The following ARHGAP19 variants were observed in gnomAD, a reference collection of about 807,000 sequenced individuals.
The protein encoded by ARHGAP19 is Rho GTPase activating protein 19, also known as rho GTPase-activating protein 19.
A neutral mutation model predicts 60.9 loss-of-function variants in ARHGAP19; 48 were observed. The observed-to-expected ratio is 0.79, with a 90% CI of 0.62 to 1.00. The LOEUF is 1.00. ARHGAP19 is among the 50% of genes least tolerant of loss of function. The pLI, the probability that ARHGAP19 is intolerant of heterozygous loss-of-function variation, is 0.00. For synonymous variants in ARHGAP19, 209 were observed against 215.5 expected, an observed-to-expected ratio of 0.97 and a Z score of 0.27; for missense variants, 562 against 597.2, an observed-to-expected ratio of 0.94 and a Z score of 0.61.
intron 1 of ARHGAP19, among the ~76,000 whole-genome samples, chr10:97,286,785 T>C (rs931480107): frequency 1.3e-5 from 2 of 152,232 alleles, no homozygotes; most frequent in Non-Finnish European, 2.9e-5. Context: ...TCTTTTTAAG[T>C]CTCTTTTTAA....
chr10:97,263,885 A>G (rs900813347), intron 3 of ARHGAP19, among the ~76,000 whole-genome samples: 1 of 152,200 alleles, frequency 6.6e-6, no homozygotes, highest in Admixed American at 6.5e-5. Flanking sequence ...CTCCTGAGGT[A>G]TGGATAGACA....
chr10:97,235,768 A>G (rs1262184212), intron 8 of ARHGAP19, among the ~76,000 whole-genome samples: 1 of 152,170 alleles, frequency 6.6e-6, no homozygotes, highest in African/African-American at 2.4e-5. Context: ...GCCTGACAAC[A>G]ATACCATCAG....
chr10:97,235,052 C>T (rs1375844930), intron 9 of ARHGAP19, among the ~76,000 whole-genome samples, 165 bp downstream of exon 9: 1 of 152,186 alleles, frequency 6.6e-6, no homozygotes, highest in African/African-American at 2.4e-5. Context: ...CACAGCAAAG[C>T]ACTTTGCAAT....
chr10:97,226,094 T>TGGA lies in ARHGAP19; in HGVS notation c.*25_*27dup, dbSNP rs1382926071. On this transcript the variant is annotated 3_prime_UTR_variant, in exon 12 of 12. Transcript: ENST00000358531. ...TGCCCACTAAACAGAAAATTCTGCA[T>TGGA]GGACCATAGGAGACAACTCTGGATC... 1 of 1,612,910 alleles carries TGGA rather than the reference T, an allele frequency of 6.2e-7. No homozygotes were observed. Among genetic ancestry groups the TGGA allele is most frequent in the South Asian group, 1.1e-5 (1 of 90,968 alleles).
At chr10:97,248,746 T>C (rs1320520211) in intron 6 of ARHGAP19, among the ~76,000 whole-genome samples, 1 of 152,170 alleles carries the variant, frequency 6.6e-6, no homozygotes, top group Non-Finnish European at 1.5e-5. Flanking sequence ...AATACAGTCC[T>C]GTCAAAAAGA....
Position 97,242,142 on chromosome 10 carries a change from G to A in ARHGAP19, c.1185+1826C>T, listed in dbSNP as rs186374987. Among the ~76,000 whole-genome samples, 418 of 150,752 alleles carry A rather than the reference G, an allele frequency of 2.8e-3. 2 individuals carry two copies. Among genetic ancestry groups the A allele is most frequent in the African/African-American group, 8.9e-3 (368 of 41,316 alleles). Reference sequence around the variant, plus strand: ...AGTGAAAAAAGGAAAAAATTTTAAAGTATATGATATGATCATAACTATGTA... The same window carrying A: ...AGTGAAAAAAGGAAAAAATTTTAAAATATATGATATGATCATAACTATGTA... On this transcript the variant is annotated intron_variant, in intron 8 of 11. Transcript: ENST00000358531.
At chr10:97,232,476 T>C (rs539273417) in intron 9 of ARHGAP19, among the ~76,000 whole-genome samples, 6 of 152,272 alleles carry the variant, frequency 3.9e-5, no homozygotes, top group Non-Finnish European at 7.3e-5. Context: ...GCCCACTCTT[T>C]AATGAGGTTG....
Position 97,244,179 on chromosome 10 carries a change from A to C in ARHGAP19, c.994-20T>G. The C allele has an allele frequency of 6.4e-7, 1 of 1,565,610 alleles. No individual in the cohort carries two copies. The highest frequency in any genetic ancestry group is 2.0e-5 in the Admixed American group (1 of 49,302). ...GTCATCCTAAGGAAAATTTAAAAGA[A>C]GAGTAAATTAATATATCCTGCCAAC... On this transcript the variant is annotated intron_variant, in intron 7 of 11. Coordinates refer to ENST00000358531, the MANE Select transcript of ARHGAP19 (RefSeq NM_032900.6).
intron 7 of ARHGAP19, among the ~76,000 whole-genome samples, chr10:97,245,698 T>C (rs1260083639): frequency 6.6e-6 from 1 of 152,136 alleles, no homozygotes; most frequent in Non-Finnish European, 1.5e-5. Flanking sequence ...TCAAGTCTTT[T>C]AGCCATTTGA....
At position 97,280,224 on chromosome 10, in the gene ARHGAP19, T is replaced by C. The variant is rs748149647; in HGVS notation, c.56+12348A>G. Among the ~76,000 whole-genome samples the C allele has an allele frequency of 8.5e-5, 13 of 152,134 alleles. No individual in the cohort carries two copies. In the East Asian group the frequency reaches 1.4e-3, roughly 16 times the overall value. ...GAGTTCAAGACCACCCTAGCCAACATAGTGAAACCCCATCTCTACTAAAAA... is the reference window on the plus strand; with the variant it reads ...GAGTTCAAGACCACCCTAGCCAACACAGTGAAACCCCATCTCTACTAAAAA... On this transcript the variant is annotated intron_variant, in intron 1 of 11. Coordinates refer to ENST00000358531, the MANE Select transcript of ARHGAP19 (RefSeq NM_032900.6).
chr10:97,230,194 A>G (rs552118602), intron 9 of ARHGAP19, among the ~76,000 whole-genome samples: 1 of 152,292 alleles, frequency 6.6e-6, no homozygotes, highest in Admixed American at 6.5e-5. Flanking sequence ...GTTACTCACA[A>G]TATAGAAACA....
intron 6 of ARHGAP19, among the ~76,000 whole-genome samples, chr10:97,246,958 T>C (rs1418606888): frequency 1.3e-5 from 2 of 151,972 alleles, no homozygotes; most frequent in African/African-American, 4.8e-5. Flanking sequence ...ACCAACATGG[T>C]GAAACCCCAT....
chr10:97,247,966 CTT>C (rs377506718), intron 6 of ARHGAP19, among the ~76,000 whole-genome samples: 1 of 135,062 alleles, frequency 7.4e-6, no homozygotes. Context: ...GTGGTTTTGA[CTT>C]TTTTTTTTTT....
intron 1 of ARHGAP19, among the ~76,000 whole-genome samples, chr10:97,272,697 C>A (rs1842975203): frequency 6.6e-6 from 1 of 152,008 alleles, no homozygotes; most frequent in African/African-American, 2.4e-5. Flanking sequence ...TATATAATAT[C>A]CTCTTATCTT....
chr10:97,249,571 AAC>A (rs1842611927), intron 6 of ARHGAP19, among the ~76,000 whole-genome samples: 1 of 152,204 alleles, frequency 6.6e-6, no homozygotes, highest in African/African-American at 2.4e-5. Context: ...GACATTCTAC[AAC>A]ACAGTTAACT....
intron 1 of ARHGAP19, among the ~76,000 whole-genome samples, chr10:97,284,010 T>C (rs1843121936): frequency 6.6e-6 from 1 of 152,064 alleles, no homozygotes. Flanking sequence ...CATAGCTCAC[T>C]GCAGCCTTAA....
At chr10:97,281,831 G>T (rs558144471) in intron 1 of ARHGAP19, among the ~76,000 whole-genome samples, 1 of 152,306 alleles carries the variant, frequency 6.6e-6, no homozygotes, top group East Asian at 1.9e-4. Context: ...TCTTAAAGAC[G>T]TGTAGGAGTT....
chr10:97,265,372 C>T lies in ARHGAP19; in HGVS notation c.323-466G>A, dbSNP rs528387284. ...GAGAACAGTCAGGCATGGTGTCATG[C>T]ACCTGTAGTCCCAGCTAGTGGGAGG... is the stretch of plus-strand genomic sequence containing the variant. On this transcript the variant is annotated intron_variant, in intron 2 of 11. Coordinates refer to ENST00000358531, the MANE Select transcript of ARHGAP19 (RefSeq NM_032900.6). 5.1e-5 allele frequency: 9 copies of T among 175,656 alleles called. No homozygotes were observed. The South Asian group carries it at 1.2e-3, about 23-fold the overall frequency. 10.9% of individuals were successfully genotyped at this position (175,656 alleles called of 1,614,324 possible).
At chr10:97,253,980 T>A (rs573640149) in intron 6 of ARHGAP19, among the ~76,000 whole-genome samples, 1 of 152,188 alleles carries the variant, frequency 6.6e-6, no homozygotes, top group East Asian at 1.9e-4. Flanking sequence ...TACTGTATAA[T>A]GAAAACTATA....
Sources: gnomAD v4.1 joint callset for allele counts (sites outside exome capture counted in the v4.1 genomes callset) on GRCh38, gnomAD v4.1.1 for gene constraint, MANE v1.5 for transcripts, NCBI Gene and HGNC (gene_info 2026-07-23, HGNC 2026-07-21) for gene names.